The following PTPRD variants were observed in gnomAD, a reference collection of about 807,000 sequenced individuals.
PTPRD encodes receptor-type tyrosine-protein phosphatase delta.
A neutral mutation model predicts 214.5 loss-of-function variants in PTPRD; 34 were observed. The ratio of observed to expected loss-of-function variants is 0.16; its 90% CI spans 0.12 to 0.21. The LOEUF (loss-of-function observed/expected upper bound fraction) is 0.21, where lower values mean the gene tolerates loss of function less well. Among genes scored for constraint, PTPRD ranks in the 10% least tolerant of loss-of-function variants. The pLI, the probability that PTPRD is intolerant of heterozygous loss-of-function variation, is 1.00. For missense variants in PTPRD, 2,545 were observed against 2,398.7 expected (o/e 1.06, Z -1.27); for synonymous variants, 1,128 against 845.7 (o/e 1.33, Z -5.79).
intron 7 of PTPRD, among the ~76,000 whole-genome samples, chr9:9,720,532 T>C (rs1390591693): frequency 6.6e-6 from 1 of 152,170 alleles, no homozygotes; most frequent in Non-Finnish European, 1.5e-5. Context: ...ATATATAGAA[T>C]GACTGTGTGT....
intron 2 of PTPRD, among the ~76,000 whole-genome samples, chr9:10,488,366 C>CA (rs59842348): frequency 0.014 from 971 of 67,910 alleles, 10 homozygotes; most frequent in Middle Eastern, 0.032. Context: ...GACTCTGTCT[C>CA]AAAAAAAAAA....
intron 11 of PTPRD, among the ~76,000 whole-genome samples, chr9:8,874,621 C>T (rs1045460154): frequency 6.6e-6 from 1 of 152,150 alleles, no homozygotes; most frequent in African/African-American, 2.4e-5. Context: ...CTTATCTCTT[C>T]CCTAATTTAT....
At chr9:8,606,440 A>G (rs1325168821) in intron 14 of PTPRD, among the ~76,000 whole-genome samples, 1 of 152,214 alleles carries the variant, frequency 6.6e-6, no homozygotes, top group African/African-American at 2.4e-5. Flanking sequence ...AGAGACATGA[A>G]GCATATGCAG....
chr9:9,517,883 A>G (rs1221203360), intron 8 of PTPRD, among the ~76,000 whole-genome samples: 2 of 152,100 alleles, frequency 1.3e-5, no homozygotes, highest in African/African-American at 4.8e-5. Flanking sequence ...GAAACTTCTA[A>G]TTCAAATTCC....
chr9:8,919,074 T>C (rs1410478377), intron 11 of PTPRD, among the ~76,000 whole-genome samples: 1 of 152,182 alleles, frequency 6.6e-6, no homozygotes, highest in Non-Finnish European at 1.5e-5. Context: ...TTCTCTATAA[T>C]ACTGCAAAGT....
Position 9,642,600 on chromosome 9 carries a change from G to A in PTPRD, c.-286-67819C>T, listed in dbSNP as rs141558305. On this transcript the variant is annotated intron_variant, in intron 7 of 45. Transcript: ENST00000381196. ...GCTCTCTCCCTCCCCAATTCATCTTGATTTTGTTATTGGGCCACGAGAAAT... is the reference window on the plus strand; with the variant it reads ...GCTCTCTCCCTCCCCAATTCATCTTAATTTTGTTATTGGGCCACGAGAAAT... 4.3e-4 allele frequency among the ~76,000 whole-genome samples: 65 copies of A among 152,152 alleles called. 1 individual carries two copies. In the East Asian group the frequency reaches 0.012, roughly 29 times the overall value.
intron 5 of PTPRD, among the ~76,000 whole-genome samples, chr9:9,900,643 T>A (rs1032414816): frequency 7.0e-6 from 1 of 143,354 alleles, no homozygotes. Context: ...ATTTTCAGGT[T>A]TTTTTTTTTT....
intron 4 of PTPRD, among the ~76,000 whole-genome samples, chr9:10,012,161 T>C (rs1420862896): frequency 6.6e-6 from 1 of 151,970 alleles, no homozygotes; most frequent in Admixed American, 6.6e-5. Context: ...GTAAGACGTA[T>C]ACAAATGGAA....
chr9:8,557,745 T>TAAAA (rs752836520), intron 14 of PTPRD, among the ~76,000 whole-genome samples: 3 of 46,762 alleles, frequency 6.4e-5, no homozygotes, highest in South Asian at 7.9e-4. Context: ...TGTCTCTCAA[T>TAAAA]AAAAAAAAAA....
chr9:9,743,259 G>A (rs940561452), intron 6 of PTPRD, among the ~76,000 whole-genome samples: 1 of 152,144 alleles, frequency 6.6e-6, no homozygotes, highest in Non-Finnish European at 1.5e-5. Flanking sequence ...CCTTTGGAGG[G>A]AGGTAGCCAT....
At chr9:8,929,332 G>C (rs201068117) in intron 11 of PTPRD, among the ~76,000 whole-genome samples, 72 of 151,952 alleles carry the variant, frequency 4.7e-4, no homozygotes, top group Non-Finnish European at 1.2e-4. Flanking sequence ...GGTTTGTCAT[G>C]AATACCTCTT....
chr9:9,236,262 T>C (rs2099966652), intron 9 of PTPRD, among the ~76,000 whole-genome samples: 1 of 151,946 alleles, frequency 6.6e-6, no homozygotes, highest in African/African-American at 2.4e-5. Context: ...CCAAAATAAA[T>C]AAATAAATAC....
At chr9:8,770,640 T>A (rs887639080) in intron 11 of PTPRD, among the ~76,000 whole-genome samples, 1 of 152,226 alleles carries the variant, frequency 6.6e-6, no homozygotes, top group Non-Finnish European at 1.5e-5. Flanking sequence ...ACAGATCTAC[T>A]TGATACTTGC....
intron 10 of PTPRD, among the ~76,000 whole-genome samples, chr9:9,155,987 T>G (rs901166981): frequency 8.5e-5 from 13 of 152,230 alleles, no homozygotes; most frequent in African/African-American, 2.9e-4. Context: ...TGTAACTTGG[T>G]CATTCTTACT....
At chr9:8,484,687 T>C (rs1207619636) in intron 29 of PTPRD, among the ~76,000 whole-genome samples, 1 of 152,036 alleles carries the variant, frequency 6.6e-6, no homozygotes, top group Non-Finnish European at 1.5e-5. Flanking sequence ...ATGGAATATG[T>C]GCAGAAAAGC....
chr9:8,337,587 G>A (rs764674951), intron 43 of PTPRD, among the ~76,000 whole-genome samples: 25 of 151,602 alleles, frequency 1.6e-4, no homozygotes, highest in Non-Finnish European at 3.2e-4. Flanking sequence ...CATGTATTCA[G>A]GACTTACACT....
chr9:9,495,886 CAATG>C (rs1301449057), intron 8 of PTPRD, among the ~76,000 whole-genome samples: 1 of 152,196 alleles, frequency 6.6e-6, no homozygotes, highest in African/African-American at 2.4e-5. Flanking sequence ...CATCTGCAGA[CAATG>C]AAACCAACAG....
Position 8,486,058 on chromosome 9 carries a change from C to A in PTPRD, c.2759G>T (p.Gly920Val). 6.2e-7 allele frequency: 1 copy of A among 1,614,142 alleles called. No homozygotes were observed. Among genetic ancestry groups the A allele is most frequent in the Non-Finnish European group, 8.5e-7 (1 of 1,180,022 alleles). Residue 920 changes from glycine (G) to valine (V), a missense_variant, in exon 28 of 46, where the codon GGA (glycine) becomes GTA (valine). Physicochemically the swap from Gly to Val is moderately radical, Grantham distance 109. Transcript: ENST00000381196. The stretch of plus-strand genomic sequence containing the variant: ...TTCTGAGTGAAGGTTTTGAGGGAAT[C>A]CAGTTGGTACTTCTTCTGGAATGGA... ...EISIPEEVPT[G>V]FPQNLHSEGT...
intron 36 of PTPRD, among the ~76,000 whole-genome samples, chr9:8,393,631 T>A (rs2090284120): frequency 6.6e-6 from 1 of 152,170 alleles, no homozygotes; most frequent in African/African-American, 2.4e-5. Context: ...TAGGAGTCCA[T>A]GGCTCTACTG....
Sources: gnomAD v4.1 joint callset for allele counts (sites outside exome capture counted in the v4.1 genomes callset) on GRCh38, gnomAD v4.1.1 for gene constraint, MANE v1.5 for transcripts, NCBI Gene and HGNC (gene_info 2026-07-23, HGNC 2026-07-21) for gene names.